SIRT3: variants seen among roughly 807,000 people sequenced by gnomAD.
SIRT3 encodes sirtuin 3, also known as NAD-dependent protein deacetylase sirtuin-3, mitochondrial.
In SIRT3, 26 loss-of-function variants were observed where a neutral mutation model predicts 33.5. That is an observed-to-expected ratio of 0.78 (90% CI 0.57 to 1.08). The LOEUF is 1.08. SIRT3 is among the 50% of genes least tolerant of loss of function. SIRT3 has a pLI of 0.00. For missense variants in SIRT3, 585 were observed against 530.1 expected, an observed-to-expected ratio of 1.10 and a Z score of -1.02; for synonymous variants, 237 against 222.1, an observed-to-expected ratio of 1.07 and a Z score of -0.60.
intron 6 of SIRT3, among the ~76,000 whole-genome samples, chr11:217,316 G>T (rs1241053067): frequency 6.6e-6 from 1 of 152,210 alleles, no homozygotes; most frequent in Non-Finnish European, 1.5e-5. Context: ...CAGGCATGGT[G>T]GCACATGCCT....
At chr11:229,524 G>T (rs934317993) in intron 4 of SIRT3, among the ~76,000 whole-genome samples, 1 of 151,356 alleles carries the variant, frequency 6.6e-6, no homozygotes, top group East Asian at 2.0e-4. Context: ...GGGAGGCCGA[G>T]GCGGGTGAAC....
At chr11:231,881 G>A (rs930549109) in intron 3 of SIRT3, among the ~76,000 whole-genome samples, 34 of 151,652 alleles carry the variant, frequency 2.2e-4, no homozygotes, top group Admixed American at 1.6e-3. Context: ...CCTGGCTCCC[G>A]GAGAGCTGAC....
Position 230,492 on chromosome 11 carries a change from C to T in SIRT3, c.767G>A (p.Cys256Tyr). 1 of 1,539,174 alleles carries T rather than the reference C, an allele frequency of 6.5e-7. No homozygotes were observed. The highest frequency in any genetic ancestry group is 8.8e-7 in the Non-Finnish European group (1 of 1,142,538). The change falls in exon 4 of 7, where the codon TGC becomes TAC. Residue 256 changes from cysteine to tyrosine, a missense_variant. Transcript: ENST00000382743. ...TGGGAAGGGTCTTTGGCAGACTGTGCAGGTGGCAGAGGCAAAGGTTCCATG... is the reference window on the plus strand; with the variant it reads ...TGGGAAGGGTCTTTGGCAGACTGTGTAGGTGGCAGAGGCAAAGGTTCCATG... ...EAHGTFASAT[C>Y]TVCQRPFPGE... is the part of the protein sequence containing the mutation.
rs771301237 is a variant in SIRT3 at position 230,512 on chromosome 11, T to A, written c.747A>T (p.Gly249=). ...IPASKLVEAH[G]TFASATCTVC... ...CTGTGCAGGTGGCAGAGGCAAAGGT[T>A]CCATGAGCTTCAACCAGCTTTGAGG... The change falls in exon 4 of 7, where the codon GGA becomes GGT. Residue 249 remains glycine, a synonymous_variant. Transcript: ENST00000382743. 7.8e-6 allele frequency: 12 copies of A among 1,537,586 alleles called. No individual in the cohort carries two copies. Among genetic ancestry groups the A allele is most frequent in the Non-Finnish European group, 1.1e-5 (12 of 1,141,926 alleles).
chr11:233,019 G>C lies in SIRT3; in HGVS notation c.670C>G (p.Arg224Gly). ...CCATCGATGTTCTGCGTGTAGAGCC[G>C]CAGAAGCAGCCCCTTGTCATGAAGC... ...RLLHDKGLLL[R>G]LYTQNIDGLE... The change falls in exon 3 of 7, where the codon CGG (arginine) becomes GGG (glycine). Residue 224 changes from arginine to glycine, a missense_variant. Transcript: ENST00000382743. The C allele has an allele frequency of 6.2e-7, 1 of 1,613,702 alleles. No homozygotes were observed. Among genetic ancestry groups the C allele is most frequent in the Non-Finnish European group, 8.5e-7 (1 of 1,179,820 alleles).
chr11:224,261 C>G, intron 4 of SIRT3, 22 bp from the exon 5 acceptor site: 1 of 1,610,980 alleles, frequency 6.2e-7, no homozygotes, highest in South Asian at 1.1e-5. Context: ...AGAAAACAGG[C>G]CTGAGGAAGA....
chr11:227,682 G>C (rs1857364934), intron 4 of SIRT3, among the ~76,000 whole-genome samples: 1 of 151,936 alleles, frequency 6.6e-6, no homozygotes, highest in Non-Finnish European at 1.5e-5. Context: ...CTGGAGTGCA[G>C]TGGTGCGATC....
rs748477603 is a variant in SIRT3, at chr11:236,308, G to A, written c.21C>T (p.Arg7=). MAFWGW[R]AAAALRLWGR... ...CCCACAGCCGGAGGGCTGCCGCGGC[G>A]CGCCAACCCCAGAACGCCATGTTCC... Residue 7 remains arginine, a synonymous_variant, in exon 1 of 7, where the codon CGC becomes CGT. Coordinates refer to ENST00000382743, the MANE Select transcript of SIRT3 (RefSeq NM_012239.6). 5.9e-6 allele frequency: 9 copies of A among 1,518,862 alleles called. No individual in the cohort carries two copies. In the African/African-American group the frequency reaches 9.8e-5, roughly 17 times the overall value. 94.1% of individuals were successfully genotyped at this position (1,518,862 alleles called of 1,614,324 possible).
At chr11:231,617 T>A (rs1858030798) in intron 3 of SIRT3, among the ~76,000 whole-genome samples, 1 of 152,108 alleles carries the variant, frequency 6.6e-6, no homozygotes, top group South Asian at 2.1e-4. Flanking sequence ...ACAGCCAGGG[T>A]CCCAGCTGCA....
In SIRT3 at chr11:233,078, T is replaced by C. The variant is rs1411160748; in HGVS notation, c.611A>G (p.Tyr204Cys). The C allele has an allele frequency of 1.2e-6, 2 of 1,614,026 alleles. No homozygotes were observed. The highest frequency in any genetic ancestry group is 1.3e-5 in the African/African-American group (1 of 74,892). The change falls in exon 3 of 7, where the codon TAC becomes TGC. Residue 204 changes from tyrosine to cysteine, a missense_variant. Transcript: ENST00000382743. ...AAAGTAGTGAGTGACGTTGGGCTTG[T>C]AGTTTCCAGGGTACAGCTCCTTGGC... ...TLAKELYPGN[Y>C]KPNVTHYFLR... is the part of the protein sequence containing the mutation.
At chr11:229,694 G>C (rs980191254) in intron 4 of SIRT3, among the ~76,000 whole-genome samples, 1 of 151,020 alleles carries the variant, frequency 6.6e-6, no homozygotes, top group Non-Finnish European at 1.5e-5. Flanking sequence ...GGGAGGCAGA[G>C]GTTGTATTGA....
In SIRT3 at chr11:216,180, G is replaced by A. The variant is rs1451070743; in HGVS notation, c.*518C>T. 1 of 154,084 alleles carries A rather than the reference G, an allele frequency of 6.5e-6. No homozygotes were observed. Among genetic ancestry groups the A allele is most frequent in the African/African-American group, 2.4e-5 (1 of 41,486 alleles). 9.5% of individuals were successfully genotyped at this position (154,084 alleles called of 1,614,324 possible). A position where few individuals can be genotyped will look rare whatever the true frequency, so the allele number is the denominator to read the frequency against. ...AATGTATTTCATGCTGGAAAGAACAGATTTTCTCTCATTAAAAATAGCCCC... is the reference window on the plus strand; with the variant it reads ...AATGTATTTCATGCTGGAAAGAACAAATTTTCTCTCATTAAAAATAGCCCC... On this transcript the variant is annotated 3_prime_UTR_variant, in exon 7 of 7. Coordinates refer to ENST00000382743, the MANE Select transcript of SIRT3 (RefSeq NM_012239.6).
chr11:218,647 C>T, intron 6 of SIRT3, 185 bp downstream of exon 6: 1 of 1,108,568 alleles, frequency 9.0e-7, no homozygotes, highest in South Asian at 1.6e-5. Context: ...TCTGTTTCCT[C>T]ATCTCTAAAT....
chr11:233,261 G>A, intron 2 of SIRT3, 46 bp from the exon 3 acceptor site: 1 of 1,604,134 alleles, frequency 6.2e-7, no homozygotes, highest in Non-Finnish European at 8.5e-7. Context: ...AAGAGGACAG[G>A]GAAGTGGAAT....
intron 4 of SIRT3, among the ~76,000 whole-genome samples, chr11:227,689 G>A (rs1362324632): frequency 2.0e-5 from 3 of 151,776 alleles, no homozygotes; most frequent in African/African-American, 4.8e-5. Flanking sequence ...GCAGTGGTGC[G>A]ATCTCAGCTC....
At chr11:234,951 C>T (rs1202419319) in intron 1 of SIRT3, among the ~76,000 whole-genome samples, 1 of 151,816 alleles carries the variant, frequency 6.6e-6, no homozygotes, top group Non-Finnish European at 1.5e-5. Flanking sequence ...CATCTCGGCT[C>T]ACTGCAACCT....
chr11:235,912 A>C (rs1858982261), intron 1 of SIRT3, 136 bp downstream of exon 1: 1 of 932,136 alleles, frequency 1.1e-6, no homozygotes, highest in African/African-American at 1.7e-5. Context: ...ACAGATCAGC[A>C]TAAAGACGGA....
chr11:219,602 T>C (rs1856151729), intron 5 of SIRT3, among the ~76,000 whole-genome samples: 1 of 104,576 alleles, frequency 9.6e-6, no homozygotes, highest in Non-Finnish European at 1.9e-5. Flanking sequence ...TCAAAGCTTC[T>C]TTTAAGAGGA....
intron 3 of SIRT3, among the ~76,000 whole-genome samples, chr11:232,598 C>T (rs4980329): frequency 0.16 from 23,751 of 152,046 alleles, 2,346 homozygotes; most frequent in Middle Eastern, 0.22. Context: ...GAGGACAGGA[C>T]GGTTCGTTAC....
Sources: gnomAD v4.1 joint callset for allele counts (sites outside exome capture counted in the v4.1 genomes callset) on GRCh38, gnomAD v4.1.1 for gene constraint, MANE v1.5 for transcripts, NCBI Gene and HGNC (gene_info 2026-07-23, HGNC 2026-07-21) for gene names.